LDB2: variants seen among roughly 807,000 people sequenced by gnomAD.
The protein encoded by LDB2 is LIM domain-binding protein 2.
Under a neutral mutation model 44.3 loss-of-function variants are expected in LDB2, and 12 were observed. The observed-to-expected ratio is 0.27, with a 90% CI of 0.17 to 0.44. The LOEUF (loss-of-function observed/expected upper bound fraction) is 0.44, where lower values mean the gene tolerates loss of function less well. Ranked by LOEUF, LDB2 falls within the 20% of genes least tolerant of loss-of-function variation. The pLI is 1.00. For synonymous variants in LDB2, 164 were observed against 174.8 expected, an observed-to-expected ratio of 0.94 and a Z score of 0.49; for missense variants, 344 against 473.5, an observed-to-expected ratio of 0.73 and a Z score of 2.54.
At chr4:16,730,935 A>G (rs972085992) in intron 2 of LDB2, among the ~76,000 whole-genome samples, 3 of 152,220 alleles carry the variant, frequency 2.0e-5, no homozygotes, top group African/African-American at 7.2e-5. Flanking sequence ...GAATATTGCT[A>G]CTTAGAGTTC....
chr4:16,730,832 C>G (rs75839309), intron 2 of LDB2, among the ~76,000 whole-genome samples: 3,843 of 152,092 alleles, frequency 0.025, 83 homozygotes, highest in Non-Finnish European at 0.037. Flanking sequence ...TGCCATTTAC[C>G]AAGCTCCTAT....
chr4:16,636,154 A>G (rs150176354), intron 2 of LDB2, among the ~76,000 whole-genome samples: 1 of 152,226 alleles, frequency 6.6e-6, no homozygotes, highest in Non-Finnish European at 1.5e-5. Context: ...CCTAAAAGTC[A>G]TCGTCATGTT....
At chr4:16,619,325 A>G (rs567960709) in intron 2 of LDB2, among the ~76,000 whole-genome samples, 1 of 152,328 alleles carries the variant, frequency 6.6e-6, no homozygotes, top group African/African-American at 2.4e-5. Flanking sequence ...CCATCCCACC[A>G]GGTGAGAACC....
intron 1 of LDB2, among the ~76,000 whole-genome samples, chr4:16,811,179 T>C (rs1198619181): frequency 5.3e-5 from 8 of 152,256 alleles, no homozygotes; most frequent in Non-Finnish European, 1.0e-4. Flanking sequence ...AACTGATTCA[T>C]GGGATGTGCT....
intron 1 of LDB2, among the ~76,000 whole-genome samples, chr4:16,819,116 G>C (rs1396939599): frequency 6.6e-6 from 1 of 150,930 alleles, no homozygotes; most frequent in Non-Finnish European, 1.5e-5. Flanking sequence ...GTGTGTGTGT[G>C]TGTGTGTGTG....
intron 2 of LDB2, among the ~76,000 whole-genome samples, chr4:16,757,298 T>G (rs1766867368): frequency 6.6e-6 from 1 of 152,202 alleles, no homozygotes; most frequent in Admixed American, 6.5e-5. Flanking sequence ...CTGATGAGAC[T>G]CGGCTCAAGA....
At chr4:16,895,578 C>T (rs1724746640) in intron 1 of LDB2, among the ~76,000 whole-genome samples, 1 of 151,588 alleles carries the variant, frequency 6.6e-6, no homozygotes, top group Non-Finnish European at 1.5e-5. Flanking sequence ...GATATTAGGA[C>T]TTAATGAAAT....
chr4:16,898,530 G>GAGTA lies in LDB2; in HGVS notation c.-46_-45insTACT. The GAGTA allele has an allele frequency of 6.2e-7, 1 of 1,606,862 alleles. No individual in the cohort carries two copies. Among genetic ancestry groups the GAGTA allele is most frequent in the Admixed American group, 1.7e-5 (1 of 59,702 alleles). The stretch of plus-strand genomic sequence containing the variant: ...TCAAGCTAAACAGAGTATCAGTAAC[G>GAGTA]TCCATGCAGAGCACATGGGCTGTGT... On this transcript the variant is annotated 5_prime_UTR_variant, in exon 1 of 8. It removes the in-frame stop codon of an upstream open reading frame in the 5' UTR. Coordinates refer to ENST00000304523, the MANE Select transcript of LDB2 (RefSeq NM_001290.5).
At chr4:16,544,932 G>GA (rs1017904341) in intron 5 of LDB2, among the ~76,000 whole-genome samples, 1 of 152,126 alleles carries the variant, frequency 6.6e-6, no homozygotes, top group Admixed American at 6.5e-5. Context: ...AAACAGGTAT[G>GA]AAAAGAGATA....
chr4:16,876,032 G>A (rs1718263400), intron 1 of LDB2, among the ~76,000 whole-genome samples: 2 of 152,170 alleles, frequency 1.3e-5, no homozygotes. Flanking sequence ...ATGGGCTGGG[G>A]CCATGTCCCA....
chr4:16,827,762 A>G (rs1034465419), intron 1 of LDB2, among the ~76,000 whole-genome samples: 36 of 152,132 alleles, frequency 2.4e-4, no homozygotes, highest in African/African-American at 8.2e-4. Flanking sequence ...TGCTTTGACA[A>G]CTGGAGGGTT....
At chr4:16,712,204 A>G (rs1385945120) in intron 2 of LDB2, among the ~76,000 whole-genome samples, 1 of 152,222 alleles carries the variant, frequency 6.6e-6, no homozygotes, top group Non-Finnish European at 1.5e-5. Flanking sequence ...AAAGAACTCT[A>G]ACTCAACAAT....
chr4:16,725,132 A>G (rs1759141172), intron 2 of LDB2, among the ~76,000 whole-genome samples: 1 of 152,152 alleles, frequency 6.6e-6, no homozygotes, highest in African/African-American at 2.4e-5. Flanking sequence ...TAAATATATT[A>G]AAGCTAGCCC....
intron 5 of LDB2, among the ~76,000 whole-genome samples, chr4:16,529,672 C>G (rs948140764): frequency 6.6e-6 from 1 of 152,204 alleles, no homozygotes; most frequent in African/African-American, 2.4e-5. Context: ...TGTCCTATCT[C>G]ATTGTTTCCC....
At position 16,769,382 on chromosome 4, in the gene LDB2, C is replaced by T. The variant is rs561970121; in HGVS notation, c.133-10122G>A. On this transcript the variant is annotated intron_variant, in intron 1 of 7. Coordinates refer to ENST00000304523, the MANE Select transcript of LDB2 (RefSeq NM_001290.5). ...CACAGTCTCGGCTCACTGCAACCTC[C>T]GCCCCTTGGGTTCAAGCGATTCTCC... 3.3e-5 allele frequency among the ~76,000 whole-genome samples: 5 copies of T among 152,014 alleles called. No homozygotes were observed. The South Asian group carries it at 6.2e-4, about 19-fold the overall frequency.
intron 1 of LDB2, among the ~76,000 whole-genome samples, chr4:16,831,240 A>C (rs1784037058): frequency 7.1e-6 from 1 of 141,736 alleles, no homozygotes; most frequent in Non-Finnish European, 1.5e-5. Flanking sequence ...TTCTTTTAGG[A>C]GTATAGGACA....
At chr4:16,657,507 T>C (rs1740238632) in intron 2 of LDB2, among the ~76,000 whole-genome samples, 1 of 152,250 alleles carries the variant, frequency 6.6e-6, no homozygotes, top group African/African-American at 2.4e-5. Context: ...CGTGATCTTT[T>C]AGAAATGGAA....
At chr4:16,767,144 A>G (rs1769512153) in intron 1 of LDB2, among the ~76,000 whole-genome samples, 1 of 152,192 alleles carries the variant, frequency 6.6e-6, no homozygotes, top group African/African-American at 2.4e-5. Context: ...TTCAAAGAGT[A>G]CTGTTAAGCA....
chr4:16,794,072 G>A (rs11945422), intron 1 of LDB2, among the ~76,000 whole-genome samples: 10,829 of 152,086 alleles, frequency 0.071, 1,285 homozygotes, highest in African/African-American at 0.25. Context: ...GGGAAGGGCC[G>A]TGCCCAAAGG....
Sources: gnomAD v4.1 joint callset for allele counts (sites outside exome capture counted in the v4.1 genomes callset) on GRCh38, gnomAD v4.1.1 for gene constraint, MANE v1.5 for transcripts, NCBI Gene and HGNC (gene_info 2026-07-23, HGNC 2026-07-21) for gene names.